FTO: variants seen among roughly 807,000 people sequenced by gnomAD.
FTO encodes the protein alpha-ketoglutarate-dependent dioxygenase FTO.
Under a neutral mutation model 63.9 loss-of-function variants are expected in FTO, and 47 were observed. The observed-to-expected ratio is 0.74, with a 90% CI of 0.58 to 0.94. The LOEUF (loss-of-function observed/expected upper bound fraction) is 0.94, where lower values mean the gene tolerates loss of function less well. FTO is among the 40% of genes least tolerant of loss of function. The pLI is 0.00. For missense variants in FTO, 562 were observed against 618.1 expected (o/e 0.91, Z 0.96); for synonymous variants, 207 against 224.4 (o/e 0.92, Z 0.69).
At chr16:54,051,104 T>C (rs553810239) in intron 8 of FTO, among the ~76,000 whole-genome samples, 2 of 152,324 alleles carry the variant, frequency 1.3e-5, no homozygotes, top group East Asian at 3.9e-4. Flanking sequence ...TGCCTTGAGT[T>C]CCAAAGAGTA....
chr16:53,990,045 GT>G (rs1487923029), intron 8 of FTO, among the ~76,000 whole-genome samples: 1 of 117,404 alleles, frequency 8.5e-6, no homozygotes, highest in African/African-American at 3.5e-5. Flanking sequence ...CTAATTGACT[GT>G]TTATGTGAAT....
At chr16:53,916,220 CCCTA>C (rs2081859897) in intron 7 of FTO, among the ~76,000 whole-genome samples, 1 of 152,108 alleles carries the variant, frequency 6.6e-6, no homozygotes, top group Non-Finnish European at 1.5e-5. Context: ...CCTCAGAGTG[CCCTA>C]CCTAAGTGGG....
At chr16:54,100,816 G>A (rs2086624688) in intron 8 of FTO, among the ~76,000 whole-genome samples, 1 of 152,210 alleles carries the variant, frequency 6.6e-6, no homozygotes, top group Admixed American at 6.5e-5. Context: ...GAGAGGGACA[G>A]GAGAAAGGCA....
intron 2 of FTO, among the ~76,000 whole-genome samples, chr16:53,815,840 G>C (rs945303312): frequency 6.7e-6 from 1 of 149,440 alleles, no homozygotes; most frequent in Non-Finnish European, 1.5e-5. Context: ...GTAGAAACAG[G>C]GTTTCGCCTT....
chr16:53,807,130 A>G (rs1178763567), intron 1 of FTO, among the ~76,000 whole-genome samples: 1 of 152,220 alleles, frequency 6.6e-6, no homozygotes, highest in Non-Finnish European at 1.5e-5. Flanking sequence ...TTGTTATTTA[A>G]TACTTGATCT....
At chr16:53,814,247 C>T (rs904082598) in intron 2 of FTO, among the ~76,000 whole-genome samples, 3 of 152,146 alleles carry the variant, frequency 2.0e-5, no homozygotes, top group Non-Finnish European at 2.9e-5. Flanking sequence ...CATCATGGAA[C>T]ACAAGGAAAC....
intron 8 of FTO, among the ~76,000 whole-genome samples, chr16:54,029,497 T>C (rs1183760395): frequency 6.6e-6 from 1 of 152,194 alleles, no homozygotes; most frequent in Non-Finnish European, 1.5e-5. Context: ...CCCCCTTTTT[T>C]CTAGTTGAGA....
At chr16:53,739,371 GT>G (rs57891950) in intron 1 of FTO, among the ~76,000 whole-genome samples, 21,174 of 137,110 alleles carry the variant, frequency 0.15, 1,783 homozygotes, top group East Asian at 0.37. Flanking sequence ...ACACCTGGCT[GT>G]TTTTTTTTTT....
At chr16:54,019,247 A>G (rs1045996705) in intron 8 of FTO, among the ~76,000 whole-genome samples, 10 of 152,212 alleles carry the variant, frequency 6.6e-5, no homozygotes, top group South Asian at 6.2e-4. Flanking sequence ...TGGAAGCACC[A>G]TTATCGACTG....
Position 54,111,845 on chromosome 16 carries a change from T to C in FTO, c.1448T>C (p.Met483Thr), listed in dbSNP as rs1458046893. The C allele has an allele frequency of 6.2e-7, 1 of 1,614,080 alleles. No homozygotes were observed. Among genetic ancestry groups the C allele is most frequent in the East Asian group, 2.2e-5 (1 of 44,902 alleles). ...TACTGGGAAAAGGATGATGCTTCGATGCCTCTGCCGTTTGACCTCACAGAC... is the reference window on the plus strand; with the variant it reads ...TACTGGGAAAAGGATGATGCTTCGACGCCTCTGCCGTTTGACCTCACAGAC... The part of the protein sequence containing the change: ...RPYWEKDDAS[M>T]PLPFDLTDIV... The change falls in exon 9 of 9, where the codon ATG becomes ACG. Residue 483 changes from methionine (M) to threonine (T), a missense_variant. Transcript: ENST00000471389.
At chr16:53,823,535 G>A (rs1307322859) in intron 2 of FTO, among the ~76,000 whole-genome samples, 1 of 131,084 alleles carries the variant, frequency 7.6e-6, no homozygotes, top group African/African-American at 3.0e-5. Flanking sequence ...GGTTTCATAG[G>A]TATCTTCAAG....
At chr16:54,030,956 A>C (rs921196559) in intron 8 of FTO, among the ~76,000 whole-genome samples, 2 of 152,226 alleles carry the variant, frequency 1.3e-5, no homozygotes, top group African/African-American at 4.8e-5. Context: ...AAACTGAAGT[A>C]TTATTCCATA....
intron 8 of FTO, among the ~76,000 whole-genome samples, chr16:54,018,082 T>G (rs2084494815): frequency 6.6e-6 from 1 of 152,228 alleles, no homozygotes; most frequent in East Asian, 1.9e-4. Flanking sequence ...ATTCTAGTAC[T>G]CTCTTTTTCA....
intron 8 of FTO, chr16:53,937,752 C>A (rs2082424952): frequency 6.6e-6 from 1 of 152,440 alleles, no homozygotes; most frequent in Admixed American, 6.5e-5. Flanking sequence ...GACTCAATGA[C>A]CCATGCAAGG....
At chr16:54,111,644 C>A in intron 8 of FTO, 118 bp from the exon 9 acceptor site, 1 of 1,051,514 alleles carries the variant, frequency 9.5e-7, no homozygotes, top group Non-Finnish European at 1.5e-6. Flanking sequence ...GTCACCATGA[C>A]CTTCACCCCC....
intron 8 of FTO, among the ~76,000 whole-genome samples, chr16:54,067,508 A>C (rs1438593862): frequency 6.6e-6 from 1 of 152,266 alleles, no homozygotes; most frequent in Non-Finnish European, 1.5e-5. Flanking sequence ...GCTCCGCATC[A>C]GCCACCAGCT....
chr16:53,969,144 G>A (rs1263961251), intron 8 of FTO, among the ~76,000 whole-genome samples: 1 of 152,114 alleles, frequency 6.6e-6, no homozygotes, highest in Non-Finnish European at 1.5e-5. Context: ...TTTTAAAATT[G>A]TGTGTTTTTC....
intron 3 of FTO, among the ~76,000 whole-genome samples, chr16:53,842,683 A>G (rs1274203063): frequency 6.6e-6 from 1 of 152,002 alleles, no homozygotes; most frequent in Non-Finnish European, 1.5e-5. Flanking sequence ...ATTTATTTAT[A>G]TTTATTTTGA....
chr16:54,018,253 A>G (rs2084498044), intron 8 of FTO, among the ~76,000 whole-genome samples: 1 of 152,134 alleles, frequency 6.6e-6, no homozygotes, highest in South Asian at 2.1e-4. Flanking sequence ...CTTGGTACAT[A>G]CTGACAAACT....
Sources: allele counts gnomAD v4.1 joint callset (sites outside exome capture counted in the v4.1 genomes callset), GRCh38; gene constraint gnomAD v4.1.1; transcripts MANE v1.5; gene names NCBI Gene and HGNC (gene_info 2026-07-23, HGNC 2026-07-21).